The following OPCML variants were observed in gnomAD, a reference collection of about 807,000 sequenced individuals.
The protein encoded by OPCML is opioid binding protein/cell adhesion molecule like.
Under a neutral mutation model 37.8 loss-of-function variants are expected in OPCML, and 13 were observed. The observed-to-expected ratio is 0.34, with a 90% confidence interval of 0.22 to 0.55. The LOEUF is 0.55. Among genes scored for constraint, OPCML ranks in the 20% least tolerant of loss-of-function variants. OPCML has a pLI of 0.91. For synonymous variants in OPCML, 176 were observed against 168.8 expected (o/e 1.04, Z -0.33); for missense variants, 341 against 435.6 (o/e 0.78, Z 1.93).
chr11:133,381,713 A>G (rs1416268272), intron 1 of OPCML, among the ~76,000 whole-genome samples: 1 of 152,204 alleles, frequency 6.6e-6, no homozygotes, highest in Non-Finnish European at 1.5e-5. Context: ...GAAATGGGCA[A>G]TGTCCTACCT....
At chr11:133,309,320 C>T (rs1364465640) in intron 1 of OPCML, among the ~76,000 whole-genome samples, 1 of 152,194 alleles carries the variant, frequency 6.6e-6, no homozygotes, top group Non-Finnish European at 1.5e-5. Flanking sequence ...CACAAGATCT[C>T]TTTCGTGTCC....
rs537924944 is a variant in OPCML, at chr11:132,991,479, A to G, written c.62-48469T>C. 7.2e-5 allele frequency among the ~76,000 whole-genome samples: 11 copies of G among 152,376 alleles called. No individual in the cohort carries two copies. In the East Asian group the frequency reaches 1.2e-3, roughly 16 times the overall value. On this transcript the variant is annotated intron_variant, in intron 1 of 7. Coordinates refer to ENST00000524381, the MANE Select transcript of OPCML (RefSeq NM_001012393.5). ...AACTAATGTCTTATTTAGCTTATAA[A>G]TGGTGCTTATCATTAAATTTGAAAT...
rs1401631426 is a variant in OPCML at position 133,092,324 on chromosome 11, C to G, written c.62-149314G>C. 5.3e-5 allele frequency among the ~76,000 whole-genome samples: 8 copies of G among 152,166 alleles called. No individual in the cohort carries two copies. The South Asian group carries it at 1.7e-3, about 32-fold the overall frequency. ...GTTACAGCAGCACAGACCAAGGCAA[C>G]TGATGAAAAGAGCTGGGCATCTAAT... is the stretch of plus-strand genomic sequence containing the variant. On this transcript the variant is annotated intron_variant, in intron 1 of 7. Transcript: ENST00000524381.
chr11:132,598,226 C>G (rs1441411555), intron 3 of OPCML, among the ~76,000 whole-genome samples: 1 of 152,188 alleles, frequency 6.6e-6, no homozygotes, highest in Non-Finnish European at 1.5e-5. Context: ...AATTGCCAAC[C>G]TCTTTCCTAA....
intron 1 of OPCML, among the ~76,000 whole-genome samples, chr11:133,375,194 T>G (rs541275233): frequency 8.1e-4 from 123 of 152,342 alleles, no homozygotes; most frequent in African/African-American, 2.7e-3. Flanking sequence ...ACGTGCTAGA[T>G]GTACTACCGT....
intron 3 of OPCML, among the ~76,000 whole-genome samples, chr11:132,594,295 C>T (rs2096489140): frequency 1.3e-5 from 2 of 152,012 alleles, no homozygotes; most frequent in African/African-American, 4.8e-5. Context: ...ACAGATTTGC[C>T]AACAATATTT....
At chr11:132,471,663 A>G (rs1301135840) in intron 4 of OPCML, among the ~76,000 whole-genome samples, 1 of 152,192 alleles carries the variant, frequency 6.6e-6, no homozygotes, top group Non-Finnish European at 1.5e-5. Flanking sequence ...CTGTAAATGA[A>G]CTAGTGTCAG....
chr11:132,792,682 G>A (rs1270441780), intron 2 of OPCML, among the ~76,000 whole-genome samples: 1 of 152,180 alleles, frequency 6.6e-6, no homozygotes, highest in East Asian at 1.9e-4. Context: ...GTGGCGGAGG[G>A]GATGGGCGGC....
At chr11:133,063,389 A>G (rs7117608) in intron 1 of OPCML, among the ~76,000 whole-genome samples, 125,330 of 152,076 alleles carry the variant, frequency 0.82, 51,905 homozygotes, top group Middle Eastern at 0.93. Flanking sequence ...GCTCTTAGAA[A>G]AGGTCCCAGG....
chr11:132,677,556 T>G (rs1025420615), intron 2 of OPCML, among the ~76,000 whole-genome samples: 2 of 152,132 alleles, frequency 1.3e-5, no homozygotes, highest in Non-Finnish European at 1.5e-5. Context: ...GGCCAAAGAA[T>G]AGACTCCAAG....
intron 2 of OPCML, among the ~76,000 whole-genome samples, chr11:132,891,545 T>C (rs1289587835): frequency 2.0e-5 from 3 of 152,182 alleles, no homozygotes; most frequent in Admixed American, 2.0e-4. Flanking sequence ...ATATTTGGAA[T>C]ATATAAGTGT....
chr11:133,296,474 G>A (rs1942634052), intron 1 of OPCML, among the ~76,000 whole-genome samples: 1 of 152,200 alleles, frequency 6.6e-6, no homozygotes, highest in Non-Finnish European at 1.5e-5. Context: ...TCATAGAGGT[G>A]ATAGAACAGT....
chr11:133,138,598 C>T (rs940235090), intron 1 of OPCML, among the ~76,000 whole-genome samples: 1 of 152,188 alleles, frequency 6.6e-6, no homozygotes, highest in Admixed American at 6.5e-5. Flanking sequence ...TGGTAATGAA[C>T]ATGCCTTCCA....
chr11:132,436,625 C>T (rs1351596819), intron 6 of OPCML, 34 bp downstream of exon 6: 4 of 1,611,798 alleles, frequency 2.5e-6, no homozygotes, highest in Non-Finnish European at 3.4e-6. Flanking sequence ...ATCAGCTCTG[C>T]TTCAGAACTG....
intron 3 of OPCML, among the ~76,000 whole-genome samples, chr11:132,638,309 T>C (rs1940650042): frequency 6.6e-6 from 1 of 151,938 alleles, no homozygotes; most frequent in Admixed American, 6.6e-5. Context: ...CTGTATTTAA[T>C]AGCTATAATA....
intron 2 of OPCML, among the ~76,000 whole-genome samples, chr11:132,691,990 A>G (rs940539142): frequency 2.6e-5 from 4 of 152,214 alleles, no homozygotes; most frequent in African/African-American, 7.2e-5. Context: ...TTGTAGAATC[A>G]TAAGCTTGCA....
At chr11:132,836,838 G>A (rs756951693) in intron 2 of OPCML, among the ~76,000 whole-genome samples, 1 of 152,072 alleles carries the variant, frequency 6.6e-6, no homozygotes, top group South Asian at 2.1e-4. Flanking sequence ...TGTGAGTGTC[G>A]GGCAGGGAGA....
intron 4 of OPCML, among the ~76,000 whole-genome samples, chr11:132,445,516 A>G (rs182091054): frequency 1.1e-4 from 17 of 149,810 alleles, no homozygotes; most frequent in African/African-American, 4.0e-4. Context: ...AGGGATGGCA[A>G]GGAAACTCTC....
chr11:133,143,918 A>G (rs1949860927), intron 1 of OPCML, among the ~76,000 whole-genome samples: 1 of 152,194 alleles, frequency 6.6e-6, no homozygotes, highest in Non-Finnish European at 1.5e-5. Context: ...AGAGAGATGG[A>G]AGGTGGAGGG....
Sources: allele counts gnomAD v4.1 joint callset (sites outside exome capture counted in the v4.1 genomes callset), GRCh38; gene constraint gnomAD v4.1.1; transcripts MANE v1.5; gene names NCBI Gene and HGNC (gene_info 2026-07-23, HGNC 2026-07-21).